CSMD1: variants seen among roughly 807,000 people sequenced by gnomAD.
CSMD1 encodes the protein CUB and sushi domain-containing protein 1.
In CSMD1, 213 loss-of-function variants were observed where a neutral mutation model predicts 417.5. The ratio of observed to expected loss-of-function variants is 0.51; its 90% CI spans 0.46 to 0.57. The LOEUF (loss-of-function observed/expected upper bound fraction) is 0.57, where lower values mean the gene tolerates loss of function less well. Ranked by LOEUF, CSMD1 falls within the 20% of genes least tolerant of loss-of-function variation. The pLI is 0.00. For synonymous variants in CSMD1, 2,862 were observed against 1,736.8 expected (o/e 1.65, Z -16.11); for missense variants, 6,923 against 4,529.7 (o/e 1.53, Z -15.17).
At chr8:4,207,389 G>C (rs1264401654) in intron 3 of CSMD1, among the ~76,000 whole-genome samples, 1 of 152,084 alleles carries the variant, frequency 6.6e-6, no homozygotes, top group African/African-American at 2.4e-5. Context: ...CACACTCATG[G>C]AAGATTTTAA....
intron 65 of CSMD1, among the ~76,000 whole-genome samples, chr8:2,951,517 T>C (rs1416355979): frequency 6.6e-6 from 1 of 152,194 alleles, no homozygotes; most frequent in Admixed American, 6.5e-5. Flanking sequence ...TTATTATTAT[T>C]AGAAGCCAAA....
rs778784500 is a variant in CSMD1 at position 3,759,758 on chromosome 8, A to AC, written c.819-5717_819-5716insG. ...AAAATACCAAAAAAAAAAAAAAAAA[A>AC]TTAGCCAGACATGGTGGCAGACTCC... On this transcript the variant is annotated intron_variant, in intron 5 of 69. Coordinates refer to ENST00000635120, the MANE Select transcript of CSMD1 (RefSeq NM_033225.6). Among the ~76,000 whole-genome samples the AC allele has an allele frequency of 1.2e-3, 177 of 150,514 alleles. 1 individual carries two copies. The highest frequency in any genetic ancestry group is 8.0e-3 in the East Asian group (41 of 5,100).
intron 2 of CSMD1, among the ~76,000 whole-genome samples, chr8:4,427,967 C>T (rs950703022): frequency 1.2e-4 from 19 of 152,162 alleles, no homozygotes; most frequent in African/African-American, 1.9e-4. Flanking sequence ...TTTCTGACTC[C>T]TTGCTGTGAC....
At chr8:4,199,016 T>A (rs921314056) in intron 3 of CSMD1, among the ~76,000 whole-genome samples, 2 of 152,176 alleles carry the variant, frequency 1.3e-5, no homozygotes, top group African/African-American at 4.8e-5. Context: ...AAAGTTCACT[T>A]TCAATCCCCT....
At chr8:3,563,571 A>C (rs1052983471) in intron 10 of CSMD1, among the ~76,000 whole-genome samples, 1 of 152,042 alleles carries the variant, frequency 6.6e-6, no homozygotes, top group African/African-American at 2.4e-5. Context: ...CTCACAAAAA[A>C]ACAAAACAAA....
intron 12 of CSMD1, among the ~76,000 whole-genome samples, chr8:3,451,718 G>C (rs1157734791): frequency 1.3e-5 from 2 of 152,188 alleles, no homozygotes; most frequent in Admixed American, 6.5e-5. Context: ...GGTTACGGTA[G>C]CCTTGTAATA....
chr8:3,236,235 T>C (rs1452939584), intron 26 of CSMD1, among the ~76,000 whole-genome samples: 2 of 152,166 alleles, frequency 1.3e-5, no homozygotes, highest in Non-Finnish European at 2.9e-5. Flanking sequence ...TGAGTTTCAA[T>C]AAAATAATTA....
intron 3 of CSMD1, among the ~76,000 whole-genome samples, chr8:4,220,126 T>C (rs375896983): frequency 3.3e-5 from 5 of 152,264 alleles, no homozygotes; most frequent in East Asian, 3.9e-4. Flanking sequence ...ATTTTTTGTA[T>C]TTTCAGTAGA....
At chr8:4,210,661 CTT>C (rs1290246691) in intron 3 of CSMD1, among the ~76,000 whole-genome samples, 1 of 152,050 alleles carries the variant, frequency 6.6e-6, no homozygotes, top group South Asian at 2.1e-4. Flanking sequence ...AAAAAAAACA[CTT>C]ATCTGAAGAA....
In CSMD1 at chr8:3,650,195, C is replaced by G. The variant is rs373074160; in HGVS notation, c.1010-33398G>C. Among the ~76,000 whole-genome samples the G allele has an allele frequency of 7.2e-5, 11 of 151,920 alleles. No individual in the cohort carries two copies. In the South Asian group the frequency reaches 1.7e-3, roughly 23 times the overall value. On this transcript the variant is annotated intron_variant, in intron 7 of 69. Transcript: ENST00000635120. ...TGGGGAGGCTGAGGTAGGAGAATTG[C>G]TTGAACCCAGAAGGCAGATTTGCAA...
At chr8:4,608,426 G>C (rs1800996337) in intron 2 of CSMD1, among the ~76,000 whole-genome samples, 1 of 152,200 alleles carries the variant, frequency 6.6e-6, no homozygotes, top group African/African-American at 2.4e-5. Flanking sequence ...CTTGAAAGTG[G>C]ACTTGACATG....
chr8:4,459,543 G>A (rs2129929027), intron 2 of CSMD1, among the ~76,000 whole-genome samples: 1 of 152,306 alleles, frequency 6.6e-6, no homozygotes, highest in East Asian at 1.9e-4. Context: ...AGAGGAGCCT[G>A]GTGCTTTCAC....
intron 3 of CSMD1, among the ~76,000 whole-genome samples, chr8:4,415,823 G>T (rs930095890): frequency 6.6e-6 from 1 of 152,188 alleles, no homozygotes; most frequent in South Asian, 2.1e-4. Context: ...TTTTGAGTAT[G>T]TATTTGTGTA....
chr8:4,931,724 C>A (rs181501983), intron 1 of CSMD1, among the ~76,000 whole-genome samples: 1 of 152,312 alleles, frequency 6.6e-6, no homozygotes, highest in Non-Finnish European at 1.5e-5. Flanking sequence ...GAGCTGTTCC[C>A]AGTACCATCT....
At chr8:4,890,437 G>T (rs540313993) in intron 1 of CSMD1, among the ~76,000 whole-genome samples, 1 of 119,100 alleles carries the variant, frequency 8.4e-6, no homozygotes, top group East Asian at 2.6e-4. Flanking sequence ...ACACCCTCCC[G>T]CAGGACAGGT....
At chr8:3,163,276 T>G (rs1415076429) in intron 37 of CSMD1, among the ~76,000 whole-genome samples, 1 of 152,162 alleles carries the variant, frequency 6.6e-6, no homozygotes, top group Admixed American at 6.5e-5. Flanking sequence ...TCACATTCTT[T>G]ATGGGGCCTT....
chr8:4,540,950 A>G (rs1797352932), intron 2 of CSMD1, among the ~76,000 whole-genome samples: 1 of 152,226 alleles, frequency 6.6e-6, no homozygotes, highest in Non-Finnish European at 1.5e-5. Flanking sequence ...TGATTCTTGC[A>G]TACAATAGGG....
In CSMD1 at chr8:3,736,197, C is replaced by A. The variant is rs60736489; in HGVS notation, c.931+17733G>T. On this transcript the variant is annotated intron_variant, in intron 6 of 69. Transcript: ENST00000635120. ...TAATCATATTCTATGTGTATTAACA[C>A]AATTTGATTCTCACTCAACATTTGT... is the stretch of plus-strand genomic sequence containing the variant. 2.6e-5 allele frequency among the ~76,000 whole-genome samples: 4 copies of A among 152,056 alleles called. No individual in the cohort carries two copies. In the East Asian group the frequency reaches 7.7e-4, roughly 29 times the overall value.
chr8:4,334,615 T>C (rs763328724), intron 3 of CSMD1, among the ~76,000 whole-genome samples: 3 of 152,160 alleles, frequency 2.0e-5, no homozygotes, highest in Non-Finnish European at 4.4e-5. Context: ...GTATTTCCTC[T>C]GGAGAATGCT....
Sources: gnomAD v4.1 joint callset for allele counts (sites outside exome capture counted in the v4.1 genomes callset) on GRCh38, gnomAD v4.1.1 for gene constraint, MANE v1.5 for transcripts, NCBI Gene and HGNC (gene_info 2026-07-23, HGNC 2026-07-21) for gene names.